HLA-DRA: variants seen among roughly 807,000 people sequenced by gnomAD.
The protein encoded by HLA-DRA is HLA class II histocompatibility antigen, DR alpha chain.
Under a neutral mutation model 22.1 loss-of-function variants are expected in HLA-DRA, and 8 were observed. The observed-to-expected ratio is 0.36, with a 90% CI of 0.21 to 0.65. The LOEUF is 0.65. Among genes scored for constraint, HLA-DRA ranks in the 30% least tolerant of loss-of-function variants. The pLI is 0.63. For synonymous variants in HLA-DRA, 101 were observed against 117.1 expected (o/e 0.86, Z 0.89); for missense variants, 248 against 321.3 (o/e 0.77, Z 1.74).
chr6:32,443,644 CTCT>C (rs1334622653), intron 3 of HLA-DRA, 109 bp from the exon 4 acceptor site: 11 of 1,218,728 alleles, frequency 9.0e-6, no homozygotes, highest in Non-Finnish European at 1.2e-5. Context: ...TTCTGTCTTC[CTCT>C]TCTTTAATCT....
Position 32,443,200 on chromosome 6 carries a change from C to A in HLA-DRA, c.344C>A (p.Thr115Asn), listed in dbSNP as rs779840675. 6.2e-7 allele frequency: 1 copy of A among 1,612,526 alleles called. No individual in the cohort carries two copies. Among genetic ancestry groups the A allele is most frequent in the East Asian group, 2.2e-5 (1 of 44,888 alleles). ...TGTCCCCCAGTACCTCCAGAGGTAA[C>A]TGTGCTCACAAACAGCCCTGTGGAA... ...TPITNVPPEV[T>N]VLTNSPVELR... The change falls in exon 3 of 5, where the codon ACT becomes AAT. Residue 115 changes from threonine (T) to asparagine (N), a missense_variant. By Grantham distance (65) the Thr-to-Asn change is moderately conservative (BLOSUM62 0). Coordinates refer to ENST00000395388, the MANE Select transcript of HLA-DRA (RefSeq NM_019111.5).
chr6:32,443,638 G>C (rs1439962118), intron 3 of HLA-DRA, 118 bp from the exon 4 acceptor site: 11 of 1,184,730 alleles, frequency 9.3e-6, no homozygotes, highest in Non-Finnish European at 1.3e-5. Context: ...ACATCATTCT[G>C]TCTTCCTCTT....
In HLA-DRA at chr6:32,440,040, C is replaced by A; in HGVS notation, c.82+8C>A. ...AATCATGGGCTATCAAAGGTAGGTG[C>A]TGAGGGAATGAAATCTGGGACGATA... On this transcript the variant is annotated splice_region_variant and intron_variant, in intron 1 of 4. Coordinates refer to ENST00000395388, the MANE Select transcript of HLA-DRA (RefSeq NM_019111.5). 1 of 1,611,192 alleles carries A rather than the reference C, an allele frequency of 6.2e-7. No homozygotes were observed. The highest frequency in any genetic ancestry group is 8.5e-7 in the Non-Finnish European group (1 of 1,177,506).
chr6:32,443,824 G>T lies in HLA-DRA; in HGVS notation c.679G>T (p.Gly227Cys). 2 of 1,612,266 alleles carry T rather than the reference G, an allele frequency of 1.2e-6. No individual in the cohort carries two copies. Among genetic ancestry groups the T allele is most frequent in the East Asian group, 2.2e-5 (1 of 44,862 alleles). ...NVVCALGLTV[G>C]LVGIIIGTIF... Reference sequence around the variant, plus strand: ...GGTGTGTGCCCTGGGCCTGACTGTGGGTCTGGTGGGCATCATTATTGGGAC... The same window carrying T: ...GGTGTGTGCCCTGGGCCTGACTGTGTGTCTGGTGGGCATCATTATTGGGAC... The change falls in exon 4 of 5, where the codon GGT becomes TGT. Residue 227 changes from glycine to cysteine, a missense_variant. Gly to Cys is a radical substitution (Grantham distance 159, BLOSUM62 -3). Coordinates refer to ENST00000395388, the MANE Select transcript of HLA-DRA (RefSeq NM_019111.5).
At chr6:32,441,096 C>T (rs1161337928) in intron 1 of HLA-DRA, among the ~76,000 whole-genome samples, 2 of 152,220 alleles carry the variant, frequency 1.3e-5, no homozygotes, top group African/African-American at 2.4e-5. Flanking sequence ...CGGTGGCTCA[C>T]GCCTGTAATC....
In HLA-DRA at chr6:32,440,007, C is replaced by T. The variant is rs371443293; in HGVS notation, c.57C>T (p.Ser19=). ...LGFFIIAVLM[S]AQESWAIKEE... The stretch of plus-strand genomic sequence containing the variant: ...TTTTCATCATAGCTGTGCTGATGAG[C>T]GCTCAGGAATCATGGGCTATCAAAG... Residue 19 remains serine (S), a synonymous_variant, in exon 1 of 5, where the codon AGC becomes AGT. Transcript: ENST00000395388. 8.1e-6 allele frequency: 13 copies of T among 1,613,730 alleles called. No individual in the cohort carries two copies. The highest frequency in any genetic ancestry group is 5.5e-5 in the South Asian group (5 of 91,068).
intron 1 of HLA-DRA, 58 bp downstream of exon 1, chr6:32,440,090 C>A: frequency 7.3e-7 from 1 of 1,373,284 alleles, no homozygotes; most frequent in Non-Finnish European, 1.0e-6. Context: ...GGAGAAAAGA[C>A]CTATGGACAT....
rs986215091 is a variant in HLA-DRA, at chr6:32,444,974, C to T, written c.*334C>T. 6.6e-6 allele frequency: 1 copy of T among 151,480 alleles called. No homozygotes were observed. The highest frequency in any genetic ancestry group is 1.5e-5 in the Non-Finnish European group (1 of 67,916). 9.4% of individuals were successfully genotyped at this position (151,480 alleles called of 1,614,324 possible). Reference sequence around the variant, plus strand: ...TGCCCCATGGGGCATCTCTTGTGTACTTATTGTTTAAGGTTTCCTCAAACT... The same window carrying T: ...TGCCCCATGGGGCATCTCTTGTGTATTTATTGTTTAAGGTTTCCTCAAACT... On this transcript the variant is annotated 3_prime_UTR_variant, in exon 5 of 5. Transcript: ENST00000395388.
intron 1 of HLA-DRA, among the ~76,000 whole-genome samples, chr6:32,441,156 A>C (rs1762590523): frequency 6.6e-6 from 1 of 152,172 alleles, no homozygotes; most frequent in Non-Finnish European, 1.5e-5. Context: ...CAAGAGATCG[A>C]GACCGTCCTG....
At chr6:32,442,204 C>T (rs1762661583) in intron 1 of HLA-DRA, among the ~76,000 whole-genome samples, 2 of 151,118 alleles carry the variant, frequency 1.3e-5, no homozygotes, top group African/African-American at 4.9e-5. Context: ...GTTCTTTAGC[C>T]CTCATCTCCT....
chr6:32,441,663 G>A (rs1008833273), intron 1 of HLA-DRA, among the ~76,000 whole-genome samples: 2 of 152,148 alleles, frequency 1.3e-5, no homozygotes, highest in African/African-American at 2.4e-5. Flanking sequence ...TGGGAAGCAG[G>A]GGGACTATGA....
chr6:32,441,009 T>C (rs904894692), intron 1 of HLA-DRA, among the ~76,000 whole-genome samples: 2 of 152,252 alleles, frequency 1.3e-5, no homozygotes, highest in Non-Finnish European at 2.9e-5. Context: ...TGTGTTTGCA[T>C]AGATGCAAAC....
chr6:32,442,314 T>A, intron 1 of HLA-DRA, 134 bp from the exon 2 acceptor site: 7 of 1,060,420 alleles, frequency 6.6e-6, no homozygotes, highest in Non-Finnish European at 9.9e-6. Flanking sequence ...CACTCATCCC[T>A]ACTCGCCATC....
chr6:32,440,914 C>T (rs1294494957), intron 1 of HLA-DRA, among the ~76,000 whole-genome samples: 2 of 152,062 alleles, frequency 1.3e-5, no homozygotes, highest in Non-Finnish European at 2.9e-5. Flanking sequence ...TTCTATTGCC[C>T]CAAAAGAGCC....
chr6:32,443,901 G>A lies in HLA-DRA; in HGVS notation c.756G>A (p.Gly252=). The change falls in exon 4 of 5, where the codon GGG becomes GGA. Residue 252 remains glycine, a synonymous_variant. Transcript: ENST00000395388. ...LRKSNAAERR[G]PL Reference sequence around the variant, plus strand: ...AAAGCAATGCAGCAGAACGCAGGGGGCCTCTGTAAGGCACATGGAGGTGAG... The same window carrying A: ...AAAGCAATGCAGCAGAACGCAGGGGACCTCTGTAAGGCACATGGAGGTGAG... The A allele has an allele frequency of 1.3e-6, 2 of 1,598,440 alleles. No individual in the cohort carries two copies. The highest frequency in any genetic ancestry group is 1.7e-6 in the Non-Finnish European group (2 of 1,173,194).
intron 4 of HLA-DRA, among the ~76,000 whole-genome samples, chr6:32,444,337 C>A (rs71565323): frequency 6.6e-6 from 1 of 152,132 alleles, no homozygotes; most frequent in East Asian, 1.9e-4. Context: ...AGTTCAGAAG[C>A]ATTTCCAGAT....
chr6:32,443,634 TTC>T lies in HLA-DRA; in HGVS notation c.611-120_611-119del, dbSNP rs1762756561. On this transcript the variant is annotated intron_variant, in intron 3 of 4. Coordinates refer to ENST00000395388, the MANE Select transcript of HLA-DRA (RefSeq NM_019111.5). Reference sequence around the variant, plus strand: ...AATCTGTAATTCTCTCAATACATCATTCTGTCTTCCTCTTCTTTAATCTATGA... The same window carrying T: ...AATCTGTAATTCTCTCAATACATCATTGTCTTCCTCTTCTTTAATCTATGA... 7 of 1,172,184 alleles carry T rather than the reference TTC, an allele frequency of 6.0e-6. 1 individual carries two copies. In the South Asian group the frequency reaches 9.1e-5, roughly 15 times the overall value. 72.6% of individuals were successfully genotyped at this position (1,172,184 alleles called of 1,614,324 possible).
intron 3 of HLA-DRA, 54 bp downstream of exon 3, chr6:32,443,520 G>T: frequency 1.3e-6 from 2 of 1,496,364 alleles, no homozygotes; most frequent in Non-Finnish European, 1.8e-6. Context: ...TATGATGCTT[G>T]TGTGAAACTC....
At chr6:32,440,155 G>A (rs1762526970) in intron 1 of HLA-DRA, 123 bp downstream of exon 1, 6 of 851,300 alleles carry the variant, frequency 7.0e-6, no homozygotes, top group Admixed American at 2.0e-5. Context: ...ATGTGGTCTC[G>A]ACAGAAAGTA....
Sources: allele counts gnomAD v4.1 joint callset (sites outside exome capture counted in the v4.1 genomes callset), GRCh38; gene constraint gnomAD v4.1.1; transcripts MANE v1.5; gene names NCBI Gene and HGNC (gene_info 2026-07-23, HGNC 2026-07-21).